The following CKAP5 variants were observed in gnomAD, a reference collection of about 807,000 sequenced individuals.
CKAP5 encodes cytoskeleton associated protein 5, also known as cytoskeleton-associated protein 5.
A neutral mutation model predicts 232.8 loss-of-function variants in CKAP5; 27 were observed. That is an observed-to-expected ratio of 0.12 (90% CI 0.09 to 0.16). The LOEUF is 0.16. CKAP5 is among the 10% of genes least tolerant of loss of function. The probability of loss-of-function intolerance (pLI) is 1.00; values close to 1 mark genes in which losing one functional copy is unlikely to be tolerated. For synonymous variants in CKAP5, 785 were observed against 841.1 expected (o/e 0.93, Z 1.16); for missense variants, 1,838 against 2,424.7 (o/e 0.76, Z 5.08).
chr11:46,822,705 C>T (rs1186003964), intron 1 of CKAP5, among the ~76,000 whole-genome samples: 1 of 133,084 alleles, frequency 7.5e-6, no homozygotes, highest in East Asian at 2.3e-4. Context: ...GAGCCGAGAT[C>T]GCACTGCACT....
At chr11:46,795,829 C>T (rs1938859334) in intron 12 of CKAP5, 53 bp from the exon 13 acceptor site, 1 of 1,436,118 alleles carries the variant, frequency 7.0e-7, no homozygotes, top group South Asian at 1.2e-5. Context: ...GAAACACAAC[C>T]ACTACGTTAT....
At chr11:46,802,587 C>CACACAT (rs1184347795) in intron 8 of CKAP5, among the ~76,000 whole-genome samples, 1 of 151,558 alleles carries the variant, frequency 6.6e-6, no homozygotes, top group African/African-American at 2.4e-5. Context: ...CACACACACA[C>CACACAT]GGCTGCTTTA....
At position 46,809,838 on chromosome 11, in the gene CKAP5, T is replaced by A; in HGVS notation, c.667A>T (p.Thr223Ser). The change falls in exon 6 of 44, where the codon ACA becomes TCA. Residue 223 changes from threonine to serine, a missense_variant. Thr to Ser is a moderately conservative substitution (Grantham distance 58). Transcript: ENST00000529230. ...ELEEEWVKLP[T>S]SAPRPTRFLR... ...AATCGAGTAGGTCTAGGAGCACTTG[T>A]TGGCAGTTTGACCCATTCTTCTTCT... The A allele has an allele frequency of 1.2e-6, 2 of 1,612,934 alleles. No homozygotes were observed. Among genetic ancestry groups the A allele is most frequent in the Non-Finnish European group, 1.7e-6 (2 of 1,179,702 alleles).
chr11:46,818,461 T>A lies in CKAP5; in HGVS notation c.100A>T (p.Ile34Phe). The change falls in exon 3 of 44, where the codon ATC (isoleucine) becomes TTC (phenylalanine). Residue 34 changes from isoleucine to phenylalanine, a missense_variant. Physicochemically the swap from Ile to Phe is conservative, Grantham distance 21. Coordinates refer to ENST00000529230, the MANE Select transcript of CKAP5 (RefSeq NM_001008938.4). ...TTTTCATCCTTTATTTTCTGGAAGA[T>A]CTTCAGGGCCTCTTCATACCCACTT... Reference protein sequence around the residue: ...RLSGYEEALKIFQKIKDEKSP... With the variant: ...RLSGYEEALKFFQKIKDEKSP... 1 of 1,608,228 alleles carries A rather than the reference T, an allele frequency of 6.2e-7. No homozygotes were observed. The highest frequency in any genetic ancestry group is 8.5e-7 in the Non-Finnish European group (1 of 1,178,202).
chr11:46,784,228 C>T (rs1250532571), intron 17 of CKAP5, among the ~76,000 whole-genome samples: 4 of 151,676 alleles, frequency 2.6e-5, no homozygotes, highest in African/African-American at 4.8e-5. Flanking sequence ...ATTAGGCAGG[C>T]GTGGTGGCAG....
rs199835668 is a variant in CKAP5 at position 46,778,164 on chromosome 11, C to T, written c.2723G>A (p.Arg908Gln). 1.8e-5 allele frequency: 29 copies of T among 1,613,526 alleles called. No homozygotes were observed. The highest frequency in any genetic ancestry group is 1.6e-4 in the East Asian group (7 of 44,880). ...IGELPTALKG[R>Q]LNDSNKILVQ... is the part of the protein sequence containing the mutation. ...CAAGATTTTATTTGAATCATTGAGT[C>T]GACCCTTCAAGGCAGTTGGAAGTTC... Residue 908 changes from arginine (R) to glutamine (Q), a missense_variant, in exon 22 of 44, where the codon CGA becomes CAA. Arg to Gln is a conservative substitution (Grantham distance 43). Transcript: ENST00000529230.
chr11:46,780,515 A>G, intron 18 of CKAP5, 30 bp from the exon 19 acceptor site: 1 of 1,580,214 alleles, frequency 6.3e-7, no homozygotes, highest in Non-Finnish European at 8.7e-7. Context: ...TTAAAAGCAA[A>G]CAAATGAAAC....
intron 28 of CKAP5, 58 bp from the exon 29 acceptor site, chr11:46,763,688 G>C: frequency 4.0e-6 from 5 of 1,236,356 alleles, no homozygotes; most frequent in Non-Finnish European, 4.3e-6. Flanking sequence ...ATGAGGTAGA[G>C]AGCCTTATAT....
chr11:46,777,613 G>C, intron 22 of CKAP5, 61 bp from the exon 23 acceptor site: 6 of 1,166,664 alleles, frequency 5.1e-6, no homozygotes, highest in Non-Finnish European at 7.6e-6. Flanking sequence ...GCAAACTTCC[G>C]TAAATTTGCT....
rs757585447 is a variant in CKAP5, at chr11:46,818,478, T to C, written c.83A>G (p.Tyr28Cys). Reference protein sequence around the residue: ...HKLWKARLSGYEEALKIFQKI... With the variant: ...HKLWKARLSGCEEALKIFQKI... ...CTGGAAGATCTTCAGGGCCTCTTCATACCCACTTAACCTTGCTTTCCACAG... is the reference window on the plus strand; with the variant it reads ...CTGGAAGATCTTCAGGGCCTCTTCACACCCACTTAACCTTGCTTTCCACAG... The change falls in exon 3 of 44, where the codon TAT becomes TGT. Residue 28 changes from tyrosine (Y) to cysteine (C), a missense_variant. By Grantham distance (194) the Tyr-to-Cys change is radical. This residue lies in a region of CKAP5 where 285 missense variants were observed against 300.0 expected (regional missense o/e 0.95). Transcript: ENST00000529230. 6.3e-7 allele frequency: 1 copy of C among 1,598,086 alleles called. No individual in the cohort carries two copies. The highest frequency in any genetic ancestry group is 8.5e-7 in the Non-Finnish European group (1 of 1,175,200).
At position 46,843,314 on chromosome 11, in the gene CKAP5, G is replaced by A. The variant is rs566608408; in HGVS notation, c.-38+2906C>T. Among the ~76,000 whole-genome samples, 15 of 152,272 alleles carry A rather than the reference G, an allele frequency of 9.9e-5. No homozygotes were observed. The South Asian group carries it at 3.1e-3, about 32-fold the overall frequency. On this transcript the variant is annotated intron_variant, in intron 1 of 43. Transcript: ENST00000529230. The stretch of plus-strand genomic sequence containing the variant: ...ACCTGCTGGGGACCCCAAGCCTTCT[G>A]TATATAAGTAGGTAAAATGGTCAGG...
chr11:46,844,107 A>G (rs1279747715), intron 1 of CKAP5, among the ~76,000 whole-genome samples: 1 of 152,102 alleles, frequency 6.6e-6, no homozygotes, highest in Non-Finnish European at 1.5e-5. Context: ...AAGAAGTCCC[A>G]GCTACTTGGG....
At chr11:46,838,462 CTG>C (rs966474929) in intron 1 of CKAP5, among the ~76,000 whole-genome samples, 1 of 151,634 alleles carries the variant, frequency 6.6e-6, no homozygotes, top group African/African-American at 2.4e-5. Context: ...CATACTGAGA[CTG>C]TGTCTCCACA....
At position 46,801,186 on chromosome 11, in the gene CKAP5, G is replaced by C. The variant is rs764235170; in HGVS notation, c.1083+14C>G. 5 of 1,572,526 alleles carry C rather than the reference G, an allele frequency of 3.2e-6. No individual in the cohort carries two copies. In the South Asian group the frequency reaches 3.3e-5, roughly 10 times the overall value. On this transcript the variant is annotated intron_variant, in intron 9 of 43. Transcript: ENST00000529230. The stretch of plus-strand genomic sequence containing the variant: ...AATTTTGTTGATCTGTATCTAAAAA[G>C]GAGTGTTACTTACATGTCCTGCATA...
intron 42 of CKAP5, among the ~76,000 whole-genome samples, chr11:46,747,335 A>T (rs1481470310): frequency 1.3e-5 from 2 of 152,092 alleles, no homozygotes. Flanking sequence ...GGCCAGGCAC[A>T]GTGGCTCATG....
chr11:46,846,067 GC>G (rs1940183355), intron 1 of CKAP5, among the ~76,000 whole-genome samples, 152 bp downstream of exon 1: 1 of 151,902 alleles, frequency 6.6e-6, no homozygotes. Flanking sequence ...CCGGCCTCCG[GC>G]TCGCTTCGCC....
At chr11:46,777,283 T>G (rs1379940768) in intron 23 of CKAP5, among the ~76,000 whole-genome samples, 156 bp downstream of exon 23, 1 of 152,218 alleles carries the variant, frequency 6.6e-6, no homozygotes, top group Non-Finnish European at 1.5e-5. Context: ...TAATACTGCC[T>G]GGAAGATAAA....
chr11:46,776,381 G>A lies in CKAP5; in HGVS notation c.2865C>T (p.Asn955=). 6.2e-7 allele frequency: 1 copy of A among 1,607,734 alleles called. No homozygotes were observed. Among genetic ancestry groups the A allele is most frequent in the South Asian group, 1.1e-5 (1 of 90,280 alleles). ...TCGCTAGGGCAGCAGCTCGAACATT[G>A]TTCTAAATGGAGAAGATAATCAGCA... ...PIITVLGDSK[N]NVRAAALATV... Residue 955 remains asparagine (N), a splice_region_variant and synonymous_variant, in exon 24 of 44, where the codon AAC becomes AAT. Transcript: ENST00000529230.
At chr11:46,839,445 A>C (rs1939999538) in intron 1 of CKAP5, among the ~76,000 whole-genome samples, 1 of 152,234 alleles carries the variant, frequency 6.6e-6, no homozygotes, top group South Asian at 2.1e-4. Flanking sequence ...AAAACTCTCC[A>C]ACATTGACTA....
Sources: gnomAD v4.1 joint callset for allele counts (sites outside exome capture counted in the v4.1 genomes callset) on GRCh38, gnomAD v4.1.1 for gene constraint, gnomAD v4.1.1 regional missense constraint, MANE v1.5 for transcripts, NCBI Gene and HGNC (gene_info 2026-07-23, HGNC 2026-07-21) for gene names.